The following AFAP1 variants were observed in gnomAD, a reference collection of about 807,000 sequenced individuals.
AFAP1 encodes the protein actin filament-associated protein 1.
A neutral mutation model predicts 93.9 loss-of-function variants in AFAP1; 75 were observed. That is an observed-to-expected ratio of 0.80 (90% confidence interval 0.66 to 0.97). The LOEUF is 0.97. Among genes scored for constraint, AFAP1 ranks in the 50% least tolerant of loss-of-function variants. AFAP1 has a pLI of 0.00. For synonymous variants in AFAP1, 517 were observed against 430.7 expected, an observed-to-expected ratio of 1.20 and a Z score of -2.48; for missense variants, 1,201 against 1,050.8, an observed-to-expected ratio of 1.14 and a Z score of -1.98.
At chr4:7,765,089 G>C (rs1230408010) in intron 17 of AFAP1, among the ~76,000 whole-genome samples, 1 of 151,428 alleles carries the variant, frequency 6.6e-6, no homozygotes, top group South Asian at 2.1e-4. Flanking sequence ...GGTCAACAGA[G>C]CAAGACCCTG....
In AFAP1 at chr4:7,809,496, C is replaced by A. The variant is rs535429528; in HGVS notation, c.1054+118G>T. 873 of 1,220,230 alleles carry A rather than the reference C, an allele frequency of 7.2e-4. 1 individual carries two copies. The highest frequency in any genetic ancestry group is 9.0e-4 in the Non-Finnish European group (796 of 881,806). 75.6% of individuals were successfully genotyped at this position (1,220,230 alleles called of 1,614,324 possible). On this transcript the variant is annotated intron_variant, in intron 9 of 17. Transcript: ENST00000420658. ...TCCCACTATCTGAATGATTCCAAGTCCAATGCAAAAGAGCTCAAATTAACG... is the reference window on the plus strand; with the variant it reads ...TCCCACTATCTGAATGATTCCAAGTACAATGCAAAAGAGCTCAAATTAACG...
intron 6 of AFAP1, among the ~76,000 whole-genome samples, chr4:7,831,105 G>GT (rs1210118797): frequency 2.0e-5 from 3 of 152,124 alleles, no homozygotes; most frequent in Admixed American, 6.6e-5. Flanking sequence ...GGGAATCAAT[G>GT]TTTTTTACAT....
In AFAP1 at chr4:7,889,690, G is replaced by GTT. The variant is rs377063737; in HGVS notation, c.-2-17612_-2-17611dup. ...TACATCAACTGTACCTCAATGAAGC[G>GTT]TTTTTTTTTTTTTTAAAAAAAGAAC... On this transcript the variant is annotated intron_variant, in intron 1 of 17. Coordinates refer to ENST00000420658, the MANE Select transcript of AFAP1 (RefSeq NM_001134647.2). Among the ~76,000 whole-genome samples, 371 of 107,206 alleles carry GTT rather than the reference G, an allele frequency of 3.5e-3. 2 individuals are homozygous for GTT. Among genetic ancestry groups the GTT allele is most frequent in the African/African-American group, 0.011 (341 of 31,744 alleles). The allele number at this position is 107,206 out of a possible 152,430, so 70.3% of individuals were successfully genotyped here.
intron 1 of AFAP1, among the ~76,000 whole-genome samples, chr4:7,916,377 G>A (rs537517126): frequency 6.6e-6 from 1 of 152,234 alleles, no homozygotes; most frequent in Non-Finnish European, 1.5e-5. Context: ...CTGGGACACC[G>A]TCTTTATTTC....
chr4:7,924,738 C>A (rs765101390), intron 1 of AFAP1, among the ~76,000 whole-genome samples: 17 of 152,128 alleles, frequency 1.1e-4, no homozygotes, highest in Admixed American at 1.0e-3. Flanking sequence ...CACCAACCCC[C>A]TATCTACAGT....
chr4:7,780,994 A>G (rs1240602352), intron 13 of AFAP1, among the ~76,000 whole-genome samples: 2 of 152,204 alleles, frequency 1.3e-5, no homozygotes, highest in African/African-American at 4.8e-5. Flanking sequence ...CACGGAGTCA[A>G]CCCTTCCTCA....
At chr4:7,861,103 A>T (rs1332988852) in intron 3 of AFAP1, among the ~76,000 whole-genome samples, 1 of 152,204 alleles carries the variant, frequency 6.6e-6, no homozygotes, top group East Asian at 1.9e-4. Context: ...TTCTGACTTT[A>T]ATTTTATATC....
chr4:7,794,786 A>G (rs1274294777), intron 10 of AFAP1, among the ~76,000 whole-genome samples: 1 of 152,172 alleles, frequency 6.6e-6, no homozygotes, highest in African/African-American at 2.4e-5. Flanking sequence ...TCACCCTCCC[A>G]AAGTGCTAGG....
At chr4:7,819,560 C>A (rs60116284) in intron 6 of AFAP1, among the ~76,000 whole-genome samples, 1 of 152,042 alleles carries the variant, frequency 6.6e-6, no homozygotes, top group East Asian at 1.9e-4. Context: ...ACCAGGGGGC[C>A]TTATGCAATG....
At chr4:7,914,825 G>A (rs1156783762) in intron 1 of AFAP1, among the ~76,000 whole-genome samples, 3 of 152,086 alleles carry the variant, frequency 2.0e-5, no homozygotes, top group African/African-American at 7.2e-5. Context: ...CTCGCTCACT[G>A]TAGCCTCCAC....
chr4:7,822,550 C>CA lies in AFAP1; in HGVS notation c.727-3380dup, dbSNP rs541321904. Among the ~76,000 whole-genome samples the CA allele has an allele frequency of 1.2e-3, 185 of 148,866 alleles. 2 individuals are homozygous for CA. Among genetic ancestry groups the CA allele is most frequent in the Middle Eastern group, 3.5e-3 (1 of 286 alleles). On this transcript the variant is annotated intron_variant, in intron 6 of 17. Transcript: ENST00000420658. ...ATGATCTCTGGCAAATGTTTTTATTCAAAAAAAACGGTTGTCTTCTTTCTT... is the reference window on the plus strand; with the variant it reads ...ATGATCTCTGGCAAATGTTTTTATTCAAAAAAAAACGGTTGTCTTCTTTCTT...
chr4:7,911,715 G>A (rs1270177720), intron 1 of AFAP1, among the ~76,000 whole-genome samples: 1 of 152,180 alleles, frequency 6.6e-6, no homozygotes, highest in African/African-American at 2.4e-5. Context: ...ACCAGTACTT[G>A]TGTCACTATT....
intron 1 of AFAP1, 136 bp from the exon 2 acceptor site, chr4:7,872,216 T>C (rs1717116755): frequency 9.0e-7 from 1 of 1,115,010 alleles, no homozygotes; most frequent in African/African-American, 1.6e-5. Context: ...AAAACAAGTT[T>C]GCTGAAAGCA....
At chr4:7,800,340 G>A (rs527673117) in intron 10 of AFAP1, 102 bp downstream of exon 10, 108 of 1,238,014 alleles carry the variant, frequency 8.7e-5, no homozygotes, top group Middle Eastern at 2.7e-4. Context: ...TACTGTCAGC[G>A]AGATGGGAGG....
At chr4:7,924,737 C>T in intron 1 of AFAP1, among the ~76,000 whole-genome samples, 1 of 152,122 alleles carries the variant, frequency 6.6e-6, no homozygotes, top group East Asian at 1.9e-4. Flanking sequence ...ACACCAACCC[C>T]CTATCTACAG....
intron 1 of AFAP1, among the ~76,000 whole-genome samples, chr4:7,909,275 A>G (rs968424198): frequency 6.6e-6 from 1 of 152,208 alleles, no homozygotes; most frequent in Non-Finnish European, 1.5e-5. Flanking sequence ...TCAGGTTTAT[A>G]TAAGTTTAAA....
At chr4:7,867,065 G>GGAGAA (rs1162116629) in intron 3 of AFAP1, among the ~76,000 whole-genome samples, 2 of 113,338 alleles carry the variant, frequency 1.8e-5, no homozygotes, top group Non-Finnish European at 3.6e-5. Flanking sequence ...AAAGAGGGGA[G>GGAGAA]GGGAGGAGAA....
chr4:7,824,536 T>C lies in AFAP1; in HGVS notation c.727-5365A>G, dbSNP rs79699679. On this transcript the variant is annotated intron_variant, in intron 6 of 17. Transcript: ENST00000420658. ...TTTGGCAGTAATTCTTGCACGAGTATGTGCAAAGTCAAGCACTGGTTAAAC... is the reference window on the plus strand; with the variant it reads ...TTTGGCAGTAATTCTTGCACGAGTACGTGCAAAGTCAAGCACTGGTTAAAC... Among the ~76,000 whole-genome samples, 1,363 of 152,354 alleles carry C rather than the reference T, an allele frequency of 8.9e-3. 16 individuals are homozygous for C. The highest frequency in any genetic ancestry group is 0.023 in the African/African-American group (955 of 41,584).
intron 17 of AFAP1, among the ~76,000 whole-genome samples, chr4:7,765,535 AC>A (rs1714430589): frequency 6.6e-6 from 1 of 152,164 alleles, no homozygotes. Flanking sequence ...GGTCCTCAGC[AC>A]CCAGTGCAGC....
Sources: gnomAD v4.1 joint callset for allele counts (sites outside exome capture counted in the v4.1 genomes callset) on GRCh38, gnomAD v4.1.1 for gene constraint, MANE v1.5 for transcripts, NCBI Gene and HGNC (gene_info 2026-07-23, HGNC 2026-07-21) for gene names.